Variants in ERICH1 observed in about 807,000 individuals in gnomAD.
ERICH1 encodes the protein glutamate-rich protein 1.
In ERICH1, 56 loss-of-function variants were observed where a neutral mutation model predicts 39.6. That is an observed-to-expected ratio of 1.41 (90% CI 1.14 to 1.77). The LOEUF (loss-of-function observed/expected upper bound fraction) is 1.77. ERICH1 is among the 40% of genes most tolerant of loss of function. The probability of loss-of-function intolerance (pLI) is 0.00; values close to 1 mark genes in which losing one functional copy is unlikely to be tolerated. For missense variants in ERICH1, 826 were observed against 575.4 expected, an observed-to-expected ratio of 1.44 and a Z score of -4.45; for synonymous variants, 313 against 223.6, an observed-to-expected ratio of 1.40 and a Z score of -3.57.
chr8:689,110 G>A (rs1439900743), intron 3 of ERICH1, among the ~76,000 whole-genome samples: 1 of 131,640 alleles, frequency 7.6e-6, no homozygotes, highest in Non-Finnish European at 1.6e-5. Context: ...GCTCACGTAT[G>A]ATCTTTTTTT....
chr8:668,763 G>A lies in ERICH1; in HGVS notation c.1093C>T (p.Leu365Phe), dbSNP rs774405503. Residue 365 changes from leucine (L) to phenylalanine (F), a missense_variant, in exon 5 of 6, where the codon CTC (leucine) becomes TTC (phenylalanine). Leu to Phe is a conservative substitution (Grantham distance 22). Coordinates refer to ENST00000262109, the MANE Select transcript of ERICH1 (RefSeq NM_207332.3). Reference protein sequence around the residue: ...GVSRDAASAALADAAEELLDR... With the variant: ...GVSRDAASAAFADAAEELLDR... ...AGCAGCTCCTCAGCGGCATCTGCGA[G>A]GGCAGCTGAAGCTGCATCTCTGGAG... 6 of 1,611,534 alleles carry A rather than the reference G, an allele frequency of 3.7e-6. No individual in the cohort carries two copies. Among genetic ancestry groups the A allele is most frequent in the Middle Eastern group, 1.7e-4 (1 of 6,028 alleles).
At chr8:652,929 A>C (rs953484831) in intron 3 of ERICH1, among the ~76,000 whole-genome samples, 1 of 152,208 alleles carries the variant, frequency 6.6e-6, no homozygotes, top group Non-Finnish European at 1.5e-5. Flanking sequence ...TGATTATCAT[A>C]TATTTTTACA....
intron 3 of ERICH1, among the ~76,000 whole-genome samples, chr8:649,954 C>T (rs1200221357): frequency 6.6e-6 from 1 of 152,194 alleles, no homozygotes; most frequent in Non-Finnish European, 1.5e-5. Context: ...AGGGAGAAGA[C>T]GGCAGCCGCG....
intron 2 of ERICH1, among the ~76,000 whole-genome samples, chr8:709,141 T>C (rs1269840337): frequency 6.6e-6 from 1 of 152,266 alleles, no homozygotes; most frequent in African/African-American, 2.4e-5. Flanking sequence ...GTTACCTTTC[T>C]GGGGTGCAGC....
In ERICH1 at chr8:692,532, C is replaced by A. The variant is rs1273427940; in HGVS notation, c.250G>T (p.Glu84Ter). 2 of 1,613,986 alleles carry A rather than the reference C, an allele frequency of 1.2e-6. No individual in the cohort carries two copies. The highest frequency in any genetic ancestry group is 1.7e-6 in the Non-Finnish European group (2 of 1,180,014). The part of the protein sequence containing the change: ...PPEGYVPCWP[E>*]PSSCGSPENA... ...TCGGGGCTCCCACAGCTGCTGGGCT[C>A]CGGCCAACAGGGGACGTAGCCCTCA... Residue 84 changes from glutamate to a stop codon, truncating the protein, a stop_gained, in exon 3 of 6, where the codon GAG (glutamate) becomes TAG (stop). Coordinates refer to ENST00000262109, the MANE Select transcript of ERICH1 (RefSeq NM_207332.3). LOFTEE classifies it high-confidence loss of function.
intron 1 of ERICH1, among the ~76,000 whole-genome samples, chr8:727,512 C>T (rs1819052040): frequency 6.6e-6 from 1 of 152,194 alleles, no homozygotes. Flanking sequence ...AGACAGAGGC[C>T]GCCTGCCTGC....
intron 2 of ERICH1, among the ~76,000 whole-genome samples, chr8:702,034 AC>A (rs1172010146): frequency 1.5e-5 from 2 of 135,072 alleles, no homozygotes; most frequent in Admixed American, 8.6e-5. Flanking sequence ...CCAAGATTGC[AC>A]CACTGCACTC....
At chr8:730,419 G>C (rs1819709540) in intron 1 of ERICH1, among the ~76,000 whole-genome samples, 1 of 152,162 alleles carries the variant, frequency 6.6e-6, no homozygotes, top group Non-Finnish European at 1.5e-5. Context: ...AAATTCATCA[G>C]CGCCTGAATT....
intron 2 of ERICH1, among the ~76,000 whole-genome samples, chr8:698,899 G>GT (rs4045087): frequency 0.19 from 26,107 of 140,192 alleles, 3,210 homozygotes; most frequent in East Asian, 0.44. Context: ...GTCTCTGTGA[G>GT]TTTTTTTTTT....
chr8:680,822 C>T (rs767407339), intron 3 of ERICH1, among the ~76,000 whole-genome samples: 15 of 152,348 alleles, frequency 9.8e-5, no homozygotes, highest in Middle Eastern at 3.4e-3. Flanking sequence ...CAGATCGCCC[C>T]GCTGCCCCAG....
intron 3 of ERICH1, among the ~76,000 whole-genome samples, chr8:618,559 C>A (rs1401587380): frequency 6.6e-6 from 1 of 152,208 alleles, no homozygotes; most frequent in Non-Finnish European, 1.5e-5. Flanking sequence ...CAGAGCCTCC[C>A]CCTCCCACCC....
At chr8:697,559 G>A (rs1467995772) in intron 2 of ERICH1, among the ~76,000 whole-genome samples, 1 of 152,066 alleles carries the variant, frequency 6.6e-6, no homozygotes, top group Admixed American at 6.5e-5. Flanking sequence ...CTGTCAAATC[G>A]TCCCCTCACC....
intron 2 of ERICH1, among the ~76,000 whole-genome samples, chr8:696,688 A>G (rs1174121408): frequency 1.7e-4 from 2 of 11,896 alleles, no homozygotes. Context: ...CTCACCCTCC[A>G]CTCTTCTCCT....
intron 3 of ERICH1, among the ~76,000 whole-genome samples, chr8:622,198 G>C (rs1469280420): frequency 6.6e-6 from 1 of 152,030 alleles, no homozygotes; most frequent in Non-Finnish European, 1.5e-5. Context: ...CTCCATCCTG[G>C]GTGACAGAGC....
At chr8:669,872 C>T (rs1245717627) in intron 4 of ERICH1, among the ~76,000 whole-genome samples, 3 of 152,198 alleles carry the variant, frequency 2.0e-5, no homozygotes, top group South Asian at 2.1e-4. Flanking sequence ...CTGGTGGTTT[C>T]GGCGTTAACC....
At chr8:696,872 C>G (rs1810426597) in intron 2 of ERICH1, among the ~76,000 whole-genome samples, 1 of 144,738 alleles carries the variant, frequency 6.9e-6, no homozygotes, top group African/African-American at 2.6e-5. Flanking sequence ...TCCTCCCCAT[C>G]AGCCTGTGCG....
intron 2 of ERICH1, among the ~76,000 whole-genome samples, chr8:697,357 G>A (rs149660630): frequency 0.015 from 2,316 of 152,168 alleles, 27 homozygotes; most frequent in Admixed American, 0.026. Context: ...GTGCAACGCC[G>A]ACCCCACGAG....
At chr8:722,252 A>G (rs571045037) in intron 1 of ERICH1, among the ~76,000 whole-genome samples, 1 of 152,244 alleles carries the variant, frequency 6.6e-6, no homozygotes, top group Non-Finnish European at 1.5e-5. Flanking sequence ...GCAGGAAAAC[A>G]AATAAATGAC....
At chr8:703,335 G>A (rs1484110302) in intron 2 of ERICH1, among the ~76,000 whole-genome samples, 4 of 80,794 alleles carry the variant, frequency 5.0e-5, no homozygotes, top group African/African-American at 1.3e-4. Flanking sequence ...GACAAATGAA[G>A]GACAGATGAA....
Sources: gnomAD v4.1 joint callset for allele counts (sites outside exome capture counted in the v4.1 genomes callset) on GRCh38, gnomAD v4.1.1 for gene constraint, MANE v1.5 for transcripts, NCBI Gene and HGNC (gene_info 2026-07-23, HGNC 2026-07-21) for gene names.